Variants in IL7 observed in about 807,000 individuals in gnomAD.
The protein encoded by IL7 is interleukin 7, also known as interleukin-7.
In IL7, 3 loss-of-function variants were observed where a neutral mutation model predicts 21.6. That is an observed-to-expected ratio of 0.14 (90% CI 0.06 to 0.36). The LOEUF (loss-of-function observed/expected upper bound fraction) is 0.36. Among genes scored for constraint, IL7 ranks in the 10% least tolerant of loss-of-function variants. The pLI is 1.00. For synonymous variants in IL7, 62 were observed against 68.1 expected (o/e 0.91, Z 0.44); for missense variants, 175 against 200.2 (o/e 0.87, Z 0.76).
At chr8:78,682,505 C>T (rs576670240) in intron 4 of IL7, among the ~76,000 whole-genome samples, 9 of 152,238 alleles carry the variant, frequency 5.9e-5, no homozygotes, top group South Asian at 4.1e-4. Context: ...CATCAGATCT[C>T]GCAAGACTTA....
chr8:78,723,049 T>C (rs1287551686), intron 3 of IL7, among the ~76,000 whole-genome samples: 2 of 148,804 alleles, frequency 1.3e-5, no homozygotes, highest in Non-Finnish European at 3.0e-5. Context: ...AGATAGTCTT[T>C]CATTTTCCAA....
At chr8:78,679,529 G>C (rs1228095914) in intron 4 of IL7, 1 of 152,074 alleles carries the variant, frequency 6.6e-6, no homozygotes, top group East Asian at 1.9e-4. Flanking sequence ...TCTGATTCAT[G>C]GTTGACTGAA....
chr8:78,783,103 T>G (rs930011178), intron 2 of IL7, among the ~76,000 whole-genome samples: 1 of 152,176 alleles, frequency 6.6e-6, no homozygotes, highest in African/African-American at 2.4e-5. Context: ...TCAGTCATCT[T>G]AGGCAGCAGG....
rs1056166952 is a variant in IL7 at position 78,711,933 on chromosome 8, T to C, written n.214+9415A>G. 1.1e-5 allele frequency: 12 copies of C among 1,111,292 alleles called. No homozygotes were observed. The African/African-American group carries it at 1.8e-4, about 17-fold the overall frequency. The allele number at this position is 1,111,292 out of a possible 1,614,324, so 68.8% of individuals were successfully genotyped here. A position where few individuals can be genotyped will look rare whatever the true frequency, so the allele number is the denominator to read the frequency against. ...CAGAATAATGTCTTTTAAAAAAACTTTATATAAAGAAGCAGTAGCAATCTC... is the reference window on the plus strand; with the variant it reads ...CAGAATAATGTCTTTTAAAAAAACTCTATATAAAGAAGCAGTAGCAATCTC... On this transcript the variant is annotated intron_variant and non_coding_transcript_variant, in intron 3 of 4. Coordinates refer to the IL7 transcript ENST00000523959.
At chr8:78,715,389 A>G, downstream of IL7, 2 of 1,437,364 alleles carry the variant, frequency 1.4e-6, no homozygotes, top group South Asian at 2.6e-5. Context: ...TAGTTTTCCA[A>G]GGACCATACA....
intron 3 of IL7, among the ~76,000 whole-genome samples, chr8:78,706,598 C>A (rs1278473852): frequency 6.6e-6 from 1 of 152,114 alleles, no homozygotes; most frequent in African/African-American, 2.4e-5. Context: ...GGCTGTCATC[C>A]TGCCTCTCTT....
At chr8:78,803,201 G>A (rs1053549579) in intron 1 of IL7, among the ~76,000 whole-genome samples, 1 of 152,072 alleles carries the variant, frequency 6.6e-6, no homozygotes, top group Non-Finnish European at 1.5e-5. Flanking sequence ...GCATCACTCT[G>A]TTGCCTAGGC....
intron 3 of IL7, among the ~76,000 whole-genome samples, chr8:78,724,423 T>A (rs867642111): frequency 6.6e-6 from 1 of 151,934 alleles, no homozygotes; most frequent in Non-Finnish European, 1.5e-5. Flanking sequence ...CTTAATTTTT[T>A]AAAAAAGTTT....
chr8:78,780,283 T>A (rs1033268010), intron 2 of IL7, among the ~76,000 whole-genome samples: 1 of 152,176 alleles, frequency 6.6e-6, no homozygotes, highest in Non-Finnish European at 1.5e-5. Flanking sequence ...CTTTGTGGTT[T>A]GTTTGCCCTT....
chr8:78,714,459 A>C (rs1318432017), downstream of IL7, among the ~76,000 whole-genome samples: 1 of 152,156 alleles, frequency 6.6e-6, no homozygotes, highest in Non-Finnish European at 1.5e-5. Flanking sequence ...TTTTTCTCAT[A>C]ACCTTTCTAT....
chr8:78,762,523 C>T (rs1468536256), intron 2 of IL7: 3 of 743,094 alleles, frequency 4.0e-6, no homozygotes, highest in African/African-American at 1.9e-5. Flanking sequence ...GGAGCCAGGC[C>T]GGCCGGCCGG....
intron 2 of IL7, chr8:78,762,530 C>A (rs1345997518): frequency 2.6e-6 from 2 of 771,050 alleles, no homozygotes; most frequent in Admixed American, 4.5e-5. Context: ...GGCCGGCCGG[C>A]CGGCTCGGCA....
At chr8:78,756,512 C>T (rs1812354095) in intron 2 of IL7, among the ~76,000 whole-genome samples, 1 of 151,732 alleles carries the variant, frequency 6.6e-6, no homozygotes, top group South Asian at 2.1e-4. Flanking sequence ...TTGGTCTGTT[C>T]ATGTTTCCTA....
At chr8:78,698,312 G>C in intron 3 of IL7, 1 of 942,990 alleles carries the variant, frequency 1.1e-6, no homozygotes, top group Non-Finnish European at 1.5e-6. Flanking sequence ...TTGATTTATA[G>C]TTGCAAAGAT....
intron 2 of IL7, among the ~76,000 whole-genome samples, chr8:78,746,046 T>G (rs1470630621): frequency 6.6e-6 from 1 of 152,220 alleles, no homozygotes; most frequent in African/African-American, 2.4e-5. Context: ...CACACCAACA[T>G]TCTTAATTCA....
chr8:78,738,962 G>A (rs1811686057), intron 3 of IL7, among the ~76,000 whole-genome samples: 1 of 152,162 alleles, frequency 6.6e-6, no homozygotes, highest in Non-Finnish European at 1.5e-5. Context: ...AACCGAAGGA[G>A]AAGACTTCTG....
chr8:78,759,057 T>TC (rs60991823), intron 2 of IL7, among the ~76,000 whole-genome samples: 21,541 of 145,436 alleles, frequency 0.15, 2,764 homozygotes, highest in African/African-American at 0.33. Context: ...ATTCTTTTAT[T>TC]CCCCCCCCCA....
intron 2 of IL7, among the ~76,000 whole-genome samples, chr8:78,741,500 A>G (rs550180547): frequency 1.1e-4 from 16 of 152,346 alleles, no homozygotes; most frequent in Non-Finnish European, 2.1e-4. Flanking sequence ...TTATCTTCCA[A>G]TTCACCAAAA....
intron 3 of IL7, among the ~76,000 whole-genome samples, chr8:78,725,768 G>A (rs1255189005): frequency 6.6e-6 from 1 of 151,942 alleles, no homozygotes; most frequent in Non-Finnish European, 1.5e-5. Context: ...TATCTTGCAG[G>A]ATGAATTTGA....
Sources: allele counts gnomAD v4.1 joint callset (sites outside exome capture counted in the v4.1 genomes callset), GRCh38; gene constraint gnomAD v4.1.1; transcripts MANE v1.5; gene names NCBI Gene and HGNC (gene_info 2026-07-23, HGNC 2026-07-21).